Variants in TRPM6 observed in about 807,000 individuals in gnomAD.
The protein encoded by TRPM6 is transient receptor potential cation channel subfamily M member 6.
In TRPM6, 111 loss-of-function variants were observed where a neutral mutation model predicts 247.6. The ratio of observed to expected loss-of-function variants is 0.45; its 90% confidence interval spans 0.38 to 0.52. The LOEUF (loss-of-function observed/expected upper bound fraction) is 0.52, where lower values mean the gene tolerates loss of function less well. Among genes scored for constraint, TRPM6 ranks in the 20% least tolerant of loss-of-function variants. The probability of loss-of-function intolerance (pLI) is 0.00; values close to 1 mark genes in which losing one functional copy is unlikely to be tolerated. For missense variants in TRPM6, 2,126 were observed against 2,421.5 expected (o/e 0.88, Z 2.56); for synonymous variants, 892 against 853.8 (o/e 1.04, Z -0.78).
chr9:74,812,439 GA>G lies in TRPM6; in HGVS notation c.1309-7del. On this transcript the variant is annotated splice_polypyrimidine_tract_variant and splice_region_variant and intron_variant, in intron 11 of 38. Transcript: ENST00000360774. Reference sequence around the variant, plus strand: ...GCTTGTTCCAGGGCATCAGGCTTCAGAAAGCACAAATAAGAAATATAAAGAC... The same window carrying G: ...GCTTGTTCCAGGGCATCAGGCTTCAGAAGCACAAATAAGAAATATAAAGAC... 1.9e-6 allele frequency: 3 copies of G among 1,612,818 alleles called. No individual in the cohort carries two copies. The highest frequency in any genetic ancestry group is 2.5e-6 in the Non-Finnish European group (3 of 1,179,628).
intron 6 of TRPM6, among the ~76,000 whole-genome samples, chr9:74,832,784 C>G (rs1055421516): frequency 6.6e-6 from 1 of 152,172 alleles, no homozygotes; most frequent in African/African-American, 2.4e-5. Flanking sequence ...GGTGTGGTGG[C>G]TCACGCCTGT....
intron 1 of TRPM6, among the ~76,000 whole-genome samples, chr9:74,876,525 G>C (rs1025998647): frequency 6.6e-6 from 1 of 152,222 alleles, no homozygotes; most frequent in Non-Finnish European, 1.5e-5. Context: ...GAATCTTAGA[G>C]AGGCTGAGTA....
At chr9:74,887,386 G>C in intron 1 of TRPM6, 1 of 1,398,466 alleles carries the variant, frequency 7.2e-7, no homozygotes, top group Non-Finnish European at 9.4e-7. Flanking sequence ...TCTGAGATCT[G>C]TGCCCGTGGC....
chr9:74,824,094 G>C (rs1338086543), intron 7 of TRPM6, among the ~76,000 whole-genome samples: 1 of 147,654 alleles, frequency 6.8e-6, no homozygotes, highest in Non-Finnish European at 1.5e-5. Flanking sequence ...ATCCGAAAAA[G>C]AAAAAAAAAT....
rs374454002 is a variant in TRPM6, at chr9:74,812,289, C to T, written c.1443+10G>A. Reference sequence around the variant, plus strand: ...GGAGGGAAATGATTGATGAAATGTTCCATACTCACTGTATTGTAGAGCTCT... The same window carrying T: ...GGAGGGAAATGATTGATGAAATGTTTCATACTCACTGTATTGTAGAGCTCT... On this transcript the variant is annotated intron_variant, in intron 12 of 38. Transcript: ENST00000360774. 6.2e-7 allele frequency: 1 copy of T among 1,613,384 alleles called. No homozygotes were observed. Among genetic ancestry groups the T allele is most frequent in the Non-Finnish European group, 8.5e-7 (1 of 1,179,816 alleles).
chr9:74,790,132 T>A (rs1319194994), intron 19 of TRPM6, among the ~76,000 whole-genome samples: 3 of 152,082 alleles, frequency 2.0e-5, no homozygotes, highest in Non-Finnish European at 4.4e-5. Flanking sequence ...TAACTTTAGT[T>A]CTGCACAGAT....
At position 74,816,968 on chromosome 9, in the gene TRPM6, C is replaced by A; in HGVS notation, c.1135-4G>T. On this transcript the variant is annotated splice_polypyrimidine_tract_variant and splice_region_variant and intron_variant, in intron 9 of 38. Transcript: ENST00000360774. ...AGTCAGCATCAAATATGGTAATCTA[C>A]AACAGTGAAAAACAGAGAGCCATAC... 2 of 1,613,318 alleles carry A rather than the reference C, an allele frequency of 1.2e-6. No individual in the cohort carries two copies. The highest frequency in any genetic ancestry group is 1.7e-6 in the Non-Finnish European group (2 of 1,179,394).
At chr9:74,880,590 G>C (rs1001864092) in intron 1 of TRPM6, among the ~76,000 whole-genome samples, 4 of 152,074 alleles carry the variant, frequency 2.6e-5, no homozygotes, top group Non-Finnish European at 1.5e-5. Context: ...TCCTAGCAAT[G>C]TTATCCTTCA....
intron 24 of TRPM6, among the ~76,000 whole-genome samples, chr9:74,773,183 C>G (rs1335502783): frequency 1.3e-5 from 2 of 152,184 alleles, no homozygotes; most frequent in South Asian, 4.1e-4. Context: ...AACACTAGGT[C>G]TTATTTCTTC....
At chr9:74,760,660 T>C (rs1254005040) in intron 27 of TRPM6, among the ~76,000 whole-genome samples, 3 of 152,194 alleles carry the variant, frequency 2.0e-5, no homozygotes, top group Non-Finnish European at 4.4e-5. Context: ...TTCATTAATA[T>C]GGCTAAAATT....
At chr9:74,870,650 G>A (rs141165860) in intron 1 of TRPM6, among the ~76,000 whole-genome samples, 217 of 152,192 alleles carry the variant, frequency 1.4e-3, no homozygotes, top group Middle Eastern at 0.01. Context: ...CGGGCTGGGC[G>A]CAGTGGCTCA....
chr9:74,870,437 A>G (rs1479588727), intron 1 of TRPM6, among the ~76,000 whole-genome samples: 1 of 152,152 alleles, frequency 6.6e-6, no homozygotes, highest in Non-Finnish European at 1.5e-5. Context: ...AAATCATGTC[A>G]AGCTATAATG....
chr9:74,886,769 C>G (rs1036824889), intron 1 of TRPM6, among the ~76,000 whole-genome samples: 4 of 152,162 alleles, frequency 2.6e-5, no homozygotes, highest in African/African-American at 9.7e-5. Flanking sequence ...CATCTTGAAA[C>G]TACAAATCGT....
intron 1 of TRPM6, among the ~76,000 whole-genome samples, chr9:74,864,931 C>T (rs558488681): frequency 8.6e-5 from 13 of 151,964 alleles, no homozygotes; most frequent in South Asian, 2.1e-4. Context: ...AAATTAGCCA[C>T]GCGCAGTCGT....
In TRPM6 at chr9:74,834,053, A is replaced by G. The variant is rs770838105; in HGVS notation, c.614T>C (p.Val205Ala). ...SSHSLRKIWTVGIPPWGVIEN... is the reference protein window; with the variant it reads ...SSHSLRKIWTAGIPPWGVIEN... ...AATGACACCCCAAGGAGGGATTCCA[A>G]CTGTCCAGATTTTTCTCAAGGAATG... is the stretch of plus-strand genomic sequence containing the variant. Residue 205 changes from valine (V) to alanine (A), a missense_variant, in exon 6 of 39, where the codon GTT (valine) becomes GCT (alanine). Physicochemically the swap from Val to Ala is moderately conservative, Grantham distance 64. This residue lies in a region of TRPM6 where 1,082 missense variants were observed against 1,307.9 expected (regional missense o/e 0.83). Coordinates refer to ENST00000360774, the MANE Select transcript of TRPM6 (RefSeq NM_017662.5). 1.2e-6 allele frequency: 2 copies of G among 1,614,132 alleles called. No individual in the cohort carries two copies. The highest frequency in any genetic ancestry group is 1.7e-5 in the Admixed American group (1 of 60,016).
At position 74,723,684 on chromosome 9, in the gene TRPM6, C is replaced by T. The variant is rs1825213328; in HGVS notation, c.*929G>A. ...AGGCATAGTGGTGCACACCTGTAGTCCCAGCTACCCGGAAGACTGAGACAC... is the reference window on the plus strand; with the variant it reads ...AGGCATAGTGGTGCACACCTGTAGTTCCAGCTACCCGGAAGACTGAGACAC... On this transcript the variant is annotated 3_prime_UTR_variant, in exon 39 of 39. Coordinates refer to ENST00000360774, the MANE Select transcript of TRPM6 (RefSeq NM_017662.5). 6.6e-6 allele frequency: 1 copy of T among 151,220 alleles called. No individual in the cohort carries two copies. The highest frequency in any genetic ancestry group is 2.4e-5 in the African/African-American group (1 of 41,172). The allele number at this position is 151,220 out of a possible 1,614,324, so 9.4% of individuals were successfully genotyped here.
intron 33 of TRPM6, 84 bp from the exon 34 acceptor site, chr9:74,740,093 C>A: frequency 6.8e-7 from 1 of 1,476,276 alleles, no homozygotes; most frequent in South Asian, 1.2e-5. Context: ...AATGCAGAAT[C>A]AGTTCAGTTA....
chr9:74,724,580 G>A lies in TRPM6; in HGVS notation c.*33C>T, dbSNP rs1242913725. 2 of 1,613,856 alleles carry A rather than the reference G, an allele frequency of 1.2e-6. No individual in the cohort carries two copies. The highest frequency in any genetic ancestry group is 1.7e-6 in the Non-Finnish European group (2 of 1,179,956). On this transcript the variant is annotated 3_prime_UTR_variant, in exon 39 of 39. Transcript: ENST00000360774. ...TTATCACAGAGTTCCTGGCAGGCAG[G>A]GCAAGCACTGGGATCTTCTTGCTCC... is the stretch of plus-strand genomic sequence containing the variant.
At chr9:74,887,180 G>C (rs1325003000) in intron 1 of TRPM6, 1 of 1,187,400 alleles carries the variant, frequency 8.4e-7, no homozygotes, top group East Asian at 3.0e-5. Flanking sequence ...TGCAAGTCCG[G>C]GCGGCGCCGC....
Sources: gnomAD v4.1 joint callset for allele counts (sites outside exome capture counted in the v4.1 genomes callset) on GRCh38, gnomAD v4.1.1 for gene constraint, gnomAD v4.1.1 regional missense constraint, MANE v1.5 for transcripts, NCBI Gene and HGNC (gene_info 2026-07-23, HGNC 2026-07-21) for gene names.